The following CNOT6L variants were observed in gnomAD, a reference collection of about 807,000 sequenced individuals.
The protein encoded by CNOT6L is CCR4-NOT transcription complex subunit 6 like.
CNOT6L carries 7 observed loss-of-function variants against 64.0 expected under a neutral mutation model. The observed-to-expected ratio is 0.11, with a 90% CI of 0.06 to 0.21. The LOEUF (loss-of-function observed/expected upper bound fraction) is 0.21. CNOT6L is among the 10% of genes least tolerant of loss of function. The pLI, the probability that CNOT6L is intolerant of heterozygous loss-of-function variation, is 1.00. For synonymous variants in CNOT6L, 193 were observed against 243.4 expected (o/e 0.79, Z 1.93); for missense variants, 245 against 669.0 (o/e 0.37, Z 6.99).
chr4:77,736,245 G>C (rs939616271), intron 8 of CNOT6L, among the ~76,000 whole-genome samples: 1 of 152,120 alleles, frequency 6.6e-6, no homozygotes, highest in African/African-American at 2.4e-5. Flanking sequence ...ACCAAAGAGA[G>C]AGTTGAAAAC....
intron 4 of CNOT6L, among the ~76,000 whole-genome samples, chr4:77,757,847 C>T (rs186207998): frequency 6.6e-6 from 1 of 152,172 alleles, no homozygotes; most frequent in East Asian, 1.9e-4. Flanking sequence ...ACTACAAGTG[C>T]CCGCCACCAC....
intron 1 of CNOT6L, among the ~76,000 whole-genome samples, chr4:77,800,448 C>A (rs1392358241): frequency 6.6e-6 from 1 of 151,362 alleles, no homozygotes; most frequent in Non-Finnish European, 1.5e-5. Context: ...CCCAGGAGGT[C>A]AATGAGCTTA....
At chr4:77,721,017 ATATT>A (rs1012427403) in intron 11 of CNOT6L, among the ~76,000 whole-genome samples, 9 of 152,216 alleles carry the variant, frequency 5.9e-5, no homozygotes, top group African/African-American at 1.4e-4. Context: ...GAAAATAAGA[ATATT>A]TATATGAGCA....
chr4:77,791,281 A>C (rs557217165), intron 1 of CNOT6L, among the ~76,000 whole-genome samples: 21 of 152,204 alleles, frequency 1.4e-4, no homozygotes, highest in Admixed American at 1.3e-4. Flanking sequence ...GTCTCCAAAT[A>C]ATCATCATCA....
chr4:77,735,537 A>G (rs1722856400), intron 8 of CNOT6L, among the ~76,000 whole-genome samples: 1 of 152,150 alleles, frequency 6.6e-6, no homozygotes, highest in African/African-American at 2.4e-5. Flanking sequence ...ATACCATAAG[A>G]TATAATTATC....
chr4:77,783,232 G>A (rs1297029481), intron 1 of CNOT6L, among the ~76,000 whole-genome samples: 2 of 141,870 alleles, frequency 1.4e-5, no homozygotes, highest in Non-Finnish European at 3.0e-5. Flanking sequence ...TCAGACTTTT[G>A]AAGTCTAATG....
At chr4:77,819,493 AG>A, upstream of CNOT6L, 1 of 1,286,452 alleles carries the variant, frequency 7.8e-7, no homozygotes, top group Non-Finnish European at 1.0e-6. Flanking sequence ...CCCGAGGGGA[AG>A]CCGCGGCGGC....
chr4:77,726,468 G>C, intron 10 of CNOT6L, 99 bp from the exon 11 acceptor site: 1 of 928,188 alleles, frequency 1.1e-6, no homozygotes, highest in Non-Finnish European at 1.6e-6. Context: ...CAGGCTCAGA[G>C]TGGTCTTCTT....
At chr4:77,814,857 C>A (rs1733382750) in intron 1 of CNOT6L, among the ~76,000 whole-genome samples, 1 of 152,106 alleles carries the variant, frequency 6.6e-6, no homozygotes, top group Non-Finnish European at 1.5e-5. Flanking sequence ...TAAAGTTGTC[C>A]AGTGATAAAA....
At chr4:77,776,488 C>T in intron 1 of CNOT6L, 96 bp from the exon 2 acceptor site, 8 of 819,752 alleles carry the variant, frequency 9.8e-6, no homozygotes, top group Non-Finnish European at 1.5e-5. Flanking sequence ...TCTCCCATTA[C>T]CAGTCTAGTA....
upstream of CNOT6L, chr4:77,819,508 C>A: frequency 9.0e-7 from 1 of 1,117,294 alleles, no homozygotes; most frequent in Non-Finnish European, 1.2e-6. Flanking sequence ...CGGCGGCACA[C>A]AGGGCCCGTA....
chr4:77,804,236 T>C (rs1029734855), intron 1 of CNOT6L, among the ~76,000 whole-genome samples: 11 of 152,184 alleles, frequency 7.2e-5, no homozygotes, highest in African/African-American at 2.6e-4. Context: ...GAGACCAGCC[T>C]GGCCAACATG....
rs1458194494 is a variant in CNOT6L at position 77,720,550 on chromosome 4, T to C, written c.1549A>G (p.Ile517Val). 10 of 1,613,368 alleles carry C rather than the reference T, an allele frequency of 6.2e-6. No individual in the cohort carries two copies. In the South Asian group the frequency reaches 1.1e-4, roughly 18 times the overall value. ...LDPQWLVENN[I>V]TGCPHPHIPS... ...ATGTGAGGGTGTGGACACCCAGTGA[T>C]GTTGTTCTCAACCAGCCATTGAGGA... Residue 517 changes from isoleucine to valine, a missense_variant, in exon 12 of 12, where the codon ATC (isoleucine) becomes GTC (valine). Coordinates refer to ENST00000504123, the MANE Select transcript of CNOT6L (RefSeq NM_144571.3).
intron 1 of CNOT6L, among the ~76,000 whole-genome samples, chr4:77,801,254 A>T (rs1387980648): frequency 6.6e-6 from 1 of 152,136 alleles, no homozygotes; most frequent in Non-Finnish European, 1.5e-5. Flanking sequence ...CAAAGGTAGC[A>T]GAGTCTTTAA....
At chr4:77,741,572 T>C (rs536662618) in intron 8 of CNOT6L, among the ~76,000 whole-genome samples, 5 of 152,304 alleles carry the variant, frequency 3.3e-5, no homozygotes, top group African/African-American at 1.2e-4. Context: ...CTCTATCTTA[T>C]ATTACACCAT....
chr4:77,789,692 T>G (rs1729884945), intron 1 of CNOT6L, among the ~76,000 whole-genome samples: 2 of 151,384 alleles, frequency 1.3e-5, no homozygotes, highest in Admixed American at 6.6e-5. Context: ...GGATTATGCC[T>G]GTAATCCCAG....
At chr4:77,791,966 C>T (rs1362888602) in intron 1 of CNOT6L, among the ~76,000 whole-genome samples, 1 of 152,070 alleles carries the variant, frequency 6.6e-6, no homozygotes, top group Admixed American at 6.6e-5. Context: ...GGATACTTTA[C>T]ACTGTATTTA....
At chr4:77,794,071 G>A (rs1730492728) in intron 1 of CNOT6L, among the ~76,000 whole-genome samples, 1 of 126,148 alleles carries the variant, frequency 7.9e-6, no homozygotes, top group African/African-American at 3.0e-5. Context: ...AGAATTGCTT[G>A]AACCCAGAAG....
intron 9 of CNOT6L, 98 bp downstream of exon 9, chr4:77,731,287 CTT>C (rs1722420128): frequency 9.2e-7 from 1 of 1,088,864 alleles, no homozygotes; most frequent in Non-Finnish European, 1.3e-6. Flanking sequence ...AAGAAAATAA[CTT>C]TGCAATAAAT....
Sources: gnomAD v4.1 joint callset for allele counts (sites outside exome capture counted in the v4.1 genomes callset) on GRCh38, gnomAD v4.1.1 for gene constraint, MANE v1.5 for transcripts, NCBI Gene and HGNC (gene_info 2026-07-23, HGNC 2026-07-21) for gene names.